The following COL4A4 variants were observed in gnomAD, a reference collection of about 807,000 sequenced individuals.
COL4A4 encodes the protein collagen type IV alpha 4 chain.
In COL4A4, 105 loss-of-function variants were observed where a neutral mutation model predicts 192.9. That is an observed-to-expected ratio of 0.54 (90% confidence interval 0.46 to 0.64). COL4A4 has a LOEUF of 0.64. Ranked by LOEUF, COL4A4 falls within the 30% of genes least tolerant of loss-of-function variation. COL4A4 has a pLI of 0.00. For missense variants in COL4A4, 1,967 were observed against 2,169.3 expected (o/e 0.91, Z 1.85); for synonymous variants, 762 against 769.9 (o/e 0.99, Z 0.17).
the COL4A4 span, among the ~76,000 whole-genome samples, chr2:226,972,138 C>T: frequency 2.3e-4 from 35 of 152,218 alleles, no homozygotes; most frequent in Middle Eastern, 3.4e-3. Context: ...TCCATGTGTT[C>T]TCATTGTTCA....
At chr2:226,978,728 G>A in the COL4A4 span, among the ~76,000 whole-genome samples, 9 of 152,332 alleles carry the variant, frequency 5.9e-5, no homozygotes, top group South Asian at 2.1e-4. Context: ...ATCATGTGCT[G>A]TGAAGGGAGG....
the COL4A4 span, among the ~76,000 whole-genome samples, chr2:226,975,305 A>G: frequency 6.6e-6 from 1 of 152,166 alleles, no homozygotes; most frequent in African/African-American, 2.4e-5. Context: ...ACACACATCT[A>G]TAAATACATA....
At position 227,041,832 on chromosome 2, in the gene COL4A4, GAAAGAA is replaced by G. The variant is rs757722178; in HGVS notation, c.3505+310_3505+315del. On this transcript the variant is annotated intron_variant, in intron 37 of 47. Coordinates refer to ENST00000396625, the MANE Select transcript of COL4A4 (RefSeq NM_000092.5). ...AGAAAGAAAGAAAGAAAGAAAGAAA[GAAAGAA>G]AGAAAGAAAGAGAAAGAAAGAAAGA... Among the ~76,000 whole-genome samples the G allele has an allele frequency of 0.015, 728 of 47,238 alleles. 71 individuals carry two copies. Among genetic ancestry groups the G allele is most frequent in the South Asian group, 0.027 (29 of 1,088 alleles). The allele number at this position is 47,238 out of a possible 152,430, so 31.0% of individuals were successfully genotyped here.
rs1962275393 is a variant in COL4A4, at chr2:227,006,980, A to T, written c.*345T>A. 2.9e-6 allele frequency: 1 copy of T among 345,000 alleles called. No individual in the cohort carries two copies. 21.4% of individuals were successfully genotyped at this position (345,000 alleles called of 1,614,324 possible). A position where few individuals can be genotyped will look rare whatever the true frequency, so the allele number is the denominator to read the frequency against. On this transcript the variant is annotated 3_prime_UTR_variant, in exon 48 of 48. Transcript: ENST00000396625. ...ACTTCAATTGTTTGAGATACTGTTA[A>T]CCCAAGAATGAAGTTTTCAGTAATG...
intron 1 of COL4A4, among the ~76,000 whole-genome samples, chr2:227,160,521 T>G (rs1173197128): frequency 6.6e-6 from 1 of 152,174 alleles, no homozygotes; most frequent in East Asian, 1.9e-4. Context: ...AGGAGGTCCC[T>G]GAGTGGCTAC....
intron 8 of COL4A4, 51 bp from the exon 9 acceptor site, chr2:227,111,764 A>C: frequency 6.4e-7 from 1 of 1,563,420 alleles, no homozygotes; most frequent in Non-Finnish European, 8.8e-7. Flanking sequence ...TTCCTAAAAC[A>C]GAGATTATGT....
At chr2:227,031,405 C>G (rs746109979) in intron 40 of COL4A4, among the ~76,000 whole-genome samples, 50 of 152,200 alleles carry the variant, frequency 3.3e-4, no homozygotes, top group Admixed American at 6.5e-5. Context: ...CAACCCAGCT[C>G]TAGCCTAAAC....
intron 4 of COL4A4, among the ~76,000 whole-genome samples, chr2:227,136,584 C>A (rs2062828346): frequency 6.6e-6 from 1 of 152,104 alleles, no homozygotes; most frequent in South Asian, 2.1e-4. Context: ...AAGGAGGCCC[C>A]CCTTGATTCT....
the COL4A4 span, among the ~76,000 whole-genome samples, chr2:226,992,986 A>T: frequency 1.3e-5 from 2 of 152,130 alleles, no homozygotes; most frequent in African/African-American, 4.8e-5. Flanking sequence ...GAAGAGTGTG[A>T]TGATTATTCT....
chr2:227,130,165 T>A (rs1050511837), intron 4 of COL4A4, among the ~76,000 whole-genome samples: 3 of 152,218 alleles, frequency 2.0e-5, no homozygotes, highest in Non-Finnish European at 4.4e-5. Flanking sequence ...TTCTTGTACC[T>A]TAAAGTAACC....
intron 25 of COL4A4, among the ~76,000 whole-genome samples, chr2:227,075,085 C>G (rs147123646): frequency 2.0e-5 from 3 of 152,284 alleles, no homozygotes; most frequent in East Asian, 1.9e-4. Context: ...CAAAGAGGAG[C>G]TGGTACCATT....
At position 227,012,306 on chromosome 2, in the gene COL4A4, A is replaced by G. The variant is rs1385812908; in HGVS notation, c.4217-9T>C. Reference sequence around the variant, plus strand: ...AGGCTCTCCTTTGCACCCTGCACAAAAGTTTATGATGCTGGTGGTGAAAGC... The same window carrying G: ...AGGCTCTCCTTTGCACCCTGCACAAGAGTTTATGATGCTGGTGGTGAAAGC... On this transcript the variant is annotated splice_polypyrimidine_tract_variant and intron_variant, in intron 44 of 47. Transcript: ENST00000396625. 6.2e-7 allele frequency: 1 copy of G among 1,609,518 alleles called. No homozygotes were observed.
At chr2:227,154,730 A>G (rs78767829) in intron 1 of COL4A4, among the ~76,000 whole-genome samples, 3,696 of 152,318 alleles carry the variant, frequency 0.024, 154 homozygotes, top group African/African-American at 0.084. Flanking sequence ...CAGCTTTTGT[A>G]GAGAAATAAG....
At chr2:227,031,145 T>A (rs1968303003) in intron 40 of COL4A4, among the ~76,000 whole-genome samples, 1 of 152,158 alleles carries the variant, frequency 6.6e-6, no homozygotes, top group Non-Finnish European at 1.5e-5. Context: ...TCGATTAAAT[T>A]TATAATCCTA....
chr2:227,006,100 G>C lies in COL4A4; in HGVS notation c.*1225C>G, dbSNP rs1231437200. 1 of 152,604 alleles carries C rather than the reference G, an allele frequency of 6.6e-6. No homozygotes were observed. The highest frequency in any genetic ancestry group is 1.5e-5 in the Non-Finnish European group (1 of 68,038). The allele number at this position is 152,604 out of a possible 1,614,324, so 9.5% of individuals were successfully genotyped here. On this transcript the variant is annotated 3_prime_UTR_variant, in exon 48 of 48. Transcript: ENST00000396625. ...ATGCTCCTGTAACAGCCAACCACGG[G>C]AGCATAAAATTCAAATTATAAATTG...
chr2:227,017,999 G>A (rs1322958551), intron 44 of COL4A4, among the ~76,000 whole-genome samples: 1 of 152,118 alleles, frequency 6.6e-6, no homozygotes, highest in Non-Finnish European at 1.5e-5. Context: ...ATTCTGAAGG[G>A]AAAACAGGAA....
intron 1 of COL4A4, among the ~76,000 whole-genome samples, chr2:227,151,796 A>C (rs2063966979): frequency 6.6e-6 from 1 of 152,096 alleles, no homozygotes. Flanking sequence ...CCTTCCTTCC[A>C]CCATGTGAGG....
At position 227,027,942 on chromosome 2, in the gene COL4A4, T is replaced by A. The variant is rs16823077; in HGVS notation, c.4041A>T (p.Leu1347Phe). ...GFPGPPGEKG[L>F]PGPPGRKGPT... is the part of the protein sequence containing the mutation. ...GCCCTTTTCTCCCTGGAGGTCCAGG[T>A]AAACCCTTCTCTCCAGGTGGCCCAG... Residue 1347 changes from leucine (L) to phenylalanine (F), a missense_variant, in exon 42 of 48, where the codon TTA (leucine) becomes TTT (phenylalanine). By Grantham distance (22) the Leu-to-Phe change is conservative. Coordinates refer to ENST00000396625, the MANE Select transcript of COL4A4 (RefSeq NM_000092.5). 9 of 1,613,920 alleles carry A rather than the reference T, an allele frequency of 5.6e-6. No individual in the cohort carries two copies. Among genetic ancestry groups the A allele is most frequent in the Non-Finnish European group, 7.6e-6 (9 of 1,179,920 alleles).
rs1962619758 is a variant in COL4A4, at chr2:227,008,207, G to A, written c.4620C>T (p.Ser1540=). The A allele has an allele frequency of 1.9e-6, 3 of 1,614,126 alleles. No homozygotes were observed. Among genetic ancestry groups the A allele is most frequent in the Non-Finnish European group, 2.5e-6 (3 of 1,180,048 alleles). The change falls in exon 47 of 48, where the codon TCC becomes TCT. Residue 1540 remains serine (S), a synonymous_variant. Transcript: ENST00000396625. ...VCHYAQRNDR[S]YWLASAAPLP... ...GGGGCGCAGCGCTGGCCAGCCAGTAGGATCTGTCGTTTCTCTGGGCATAGT... is the reference window on the plus strand; with the variant it reads ...GGGGCGCAGCGCTGGCCAGCCAGTAAGATCTGTCGTTTCTCTGGGCATAGT...
Sources: gnomAD v4.1 joint callset for allele counts (sites outside exome capture counted in the v4.1 genomes callset) on GRCh38, gnomAD v4.1.1 for gene constraint, MANE v1.5 for transcripts, NCBI Gene and HGNC (gene_info 2026-07-23, HGNC 2026-07-21) for gene names.